The following FSTL4 variants were observed in gnomAD, a reference collection of about 807,000 sequenced individuals.
The protein encoded by FSTL4 is follistatin like 4, also known as follistatin-related protein 4.
In FSTL4, 28 loss-of-function variants were observed where a neutral mutation model predicts 78.2. The observed-to-expected ratio is 0.36, with a 90% confidence interval of 0.27 to 0.49. The LOEUF is 0.49. FSTL4 is among the 20% of genes least tolerant of loss of function. The pLI, the probability that FSTL4 is intolerant of heterozygous loss-of-function variation, is 0.98. For synonymous variants in FSTL4, 422 were observed against 440.5 expected, an observed-to-expected ratio of 0.96 and a Z score of 0.53; for missense variants, 922 against 1,084.9, an observed-to-expected ratio of 0.85 and a Z score of 2.11.
intron 6 of FSTL4, among the ~76,000 whole-genome samples, chr5:133,259,827 G>A (rs1752475630): frequency 6.6e-6 from 1 of 152,070 alleles, no homozygotes; most frequent in Non-Finnish European, 1.5e-5. Flanking sequence ...GAGGTGTCAG[G>A]AATGACTCCC....
chr5:133,602,265 G>T (rs1760886164), intron 2 of FSTL4, among the ~76,000 whole-genome samples: 1 of 152,094 alleles, frequency 6.6e-6, no homozygotes, highest in Non-Finnish European at 1.5e-5. Context: ...GGTTGCAGGG[G>T]AGCAAGATAA....
chr5:133,540,293 T>C (rs1311315935), intron 3 of FSTL4, among the ~76,000 whole-genome samples: 2 of 152,024 alleles, frequency 1.3e-5, no homozygotes, highest in Admixed American at 6.6e-5. Context: ...TCTCTCTCTG[T>C]TGATTCTGTT....
chr5:133,280,325 G>C (rs997962343), intron 6 of FSTL4, among the ~76,000 whole-genome samples: 1 of 152,138 alleles, frequency 6.6e-6, no homozygotes, highest in African/African-American at 2.4e-5. Context: ...TGAGGGGAGA[G>C]ACCTTGAAAT....
intron 3 of FSTL4, among the ~76,000 whole-genome samples, chr5:133,563,591 C>T (rs996345176): frequency 6.6e-6 from 1 of 152,362 alleles, no homozygotes; most frequent in Admixed American, 6.5e-5. Flanking sequence ...TTATTGCTGT[C>T]ACACTGTTCT....
At position 133,339,374 on chromosome 5, in the gene FSTL4, G is replaced by A. The variant is rs111808746; in HGVS notation, c.410-22722C>T. Among the ~76,000 whole-genome samples, 264 of 152,254 alleles carry A rather than the reference G, an allele frequency of 1.7e-3. 2 individuals are homozygous for A. The highest frequency in any genetic ancestry group is 6.0e-3 in the African/African-American group (251 of 41,548). On this transcript the variant is annotated intron_variant, in intron 4 of 15. Transcript: ENST00000265342. ...GCCTGCTCTCAGGGAGGGAGGGGTGGAGGGCTTTGGGTCTTAGCTGGCACG... is the reference window on the plus strand; with the variant it reads ...GCCTGCTCTCAGGGAGGGAGGGGTGAAGGGCTTTGGGTCTTAGCTGGCACG...
chr5:133,800,898 G>C, the FSTL4 span, among the ~76,000 whole-genome samples: 3 of 152,126 alleles, frequency 2.0e-5, no homozygotes, highest in Admixed American at 2.0e-4. Context: ...TATTCCTGAG[G>C]GACTGCCTGG....
the FSTL4 span, among the ~76,000 whole-genome samples, chr5:133,791,954 G>C: frequency 1.3e-5 from 2 of 152,252 alleles, no homozygotes; most frequent in Admixed American, 6.5e-5. Context: ...CACCTCAGCT[G>C]TTCCAGAAAG....
the FSTL4 span, among the ~76,000 whole-genome samples, chr5:133,780,182 G>T: frequency 1.3e-5 from 2 of 152,094 alleles, no homozygotes; most frequent in Admixed American, 1.3e-4. Flanking sequence ...GCAACCTGAG[G>T]CCAGTCCGCC....
chr5:133,677,541 G>A, the FSTL4 span, among the ~76,000 whole-genome samples: 931 of 152,312 alleles, frequency 6.1e-3, 4 homozygotes, highest in Non-Finnish European at 9.5e-3. Context: ...CTAACGGAAG[G>A]ATAGTAAAAA....
chr5:133,707,252 C>A, the FSTL4 span, among the ~76,000 whole-genome samples: 3 of 152,268 alleles, frequency 2.0e-5, no homozygotes, highest in Middle Eastern at 3.4e-3. Context: ...ATCCTGCCCA[C>A]CAGCAGTTGC....
chr5:133,249,923 C>T (rs577202332), intron 6 of FSTL4, among the ~76,000 whole-genome samples: 4 of 152,316 alleles, frequency 2.6e-5, no homozygotes, highest in South Asian at 2.1e-4. Context: ...AGGGGTGCAG[C>T]GCCCTGCTCA....
chr5:133,298,871 C>G (rs560931349), intron 6 of FSTL4, among the ~76,000 whole-genome samples: 1 of 152,346 alleles, frequency 6.6e-6, no homozygotes, highest in Non-Finnish European at 1.5e-5. Flanking sequence ...GAGGCCAGTC[C>G]CTTTGGTGAG....
chr5:133,567,829 G>T (rs567729359), intron 2 of FSTL4, among the ~76,000 whole-genome samples: 1 of 152,152 alleles, frequency 6.6e-6, no homozygotes, highest in African/African-American at 2.4e-5. Context: ...CTTACTATGC[G>T]CAGGGCAATA....
At chr5:133,210,407 T>G (rs1581527836) in intron 13 of FSTL4, 109 bp from the exon 14 acceptor site, 1 of 562,066 alleles carries the variant, frequency 1.8e-6, no homozygotes, top group African/African-American at 1.8e-5. Flanking sequence ...CTAGAAGCCT[T>G]GCCAATGGTT....
rs542542605 is a variant in FSTL4, at chr5:133,277,588, T to C, written c.728-28012A>G. On this transcript the variant is annotated intron_variant, in intron 6 of 15. Transcript: ENST00000265342. ...AATAGAATCTTTACAGAGGAAAGAA[T>C]GTATTGCTATTCCCCATCAGCTTCC... 8.5e-5 allele frequency among the ~76,000 whole-genome samples: 13 copies of C among 152,272 alleles called. No individual in the cohort carries two copies. The East Asian group carries it at 2.1e-3, about 25-fold the overall frequency.
At chr5:133,458,684 G>C (rs116807728) in intron 3 of FSTL4, among the ~76,000 whole-genome samples, 2,140 of 152,358 alleles carry the variant, frequency 0.014, 44 homozygotes, top group African/African-American at 0.049. Flanking sequence ...GCCCCCAGAT[G>C]ATGGGCAACT....
chr5:133,308,704 T>C (rs901436880), intron 6 of FSTL4, among the ~76,000 whole-genome samples: 2 of 152,204 alleles, frequency 1.3e-5, no homozygotes, highest in Non-Finnish European at 2.9e-5. Flanking sequence ...TATCATCTGT[T>C]TCATAGAGTT....
At chr5:133,342,004 G>A (rs1258709140) in intron 4 of FSTL4, among the ~76,000 whole-genome samples, 1 of 152,210 alleles carries the variant, frequency 6.6e-6, no homozygotes, top group African/African-American at 2.4e-5. Context: ...TCTGAGGCTA[G>A]AGCCATCTCC....
At chr5:133,839,203 G>A in the FSTL4 span, among the ~76,000 whole-genome samples, 1 of 152,274 alleles carries the variant, frequency 6.6e-6, no homozygotes, top group African/African-American at 2.4e-5. Context: ...AGGCAGACAT[G>A]GCCTGAGTCT....
Sources: gnomAD v4.1 joint callset for allele counts (sites outside exome capture counted in the v4.1 genomes callset) on GRCh38, gnomAD v4.1.1 for gene constraint, MANE v1.5 for transcripts, NCBI Gene and HGNC (gene_info 2026-07-23, HGNC 2026-07-21) for gene names.